Variants in RANBP9 observed in about 807,000 individuals in gnomAD.
RANBP9 encodes the protein ran-binding protein 9.
RANBP9 carries 15 observed loss-of-function variants against 84.3 expected under a neutral mutation model. That is an observed-to-expected ratio of 0.18 (90% confidence interval 0.12 to 0.27). The LOEUF (loss-of-function observed/expected upper bound fraction) is 0.27, where lower values mean the gene tolerates loss of function less well. RANBP9 is among the 10% of genes least tolerant of loss of function. RANBP9 has a pLI of 1.00. For missense variants in RANBP9, 809 were observed against 912.8 expected (o/e 0.89, Z 1.46); for synonymous variants, 392 against 349.6 (o/e 1.12, Z -1.35).
At chr6:13,640,227 C>T (rs547588961) in intron 8 of RANBP9, among the ~76,000 whole-genome samples, 100 of 152,226 alleles carry the variant, frequency 6.6e-4, no homozygotes, top group African/African-American at 2.3e-3. Context: ...ACAATTCTGT[C>T]ATTTGACTTA....
chr6:13,697,991 A>G (rs569319332), intron 1 of RANBP9, among the ~76,000 whole-genome samples: 4 of 152,230 alleles, frequency 2.6e-5, no homozygotes, highest in Non-Finnish European at 5.9e-5. Context: ...TAAGTCAAAA[A>G]TTGTATCTTA....
At chr6:13,658,670 T>TA in intron 3 of RANBP9, 110 bp downstream of exon 3, 1 of 971,930 alleles carries the variant, frequency 1.0e-6, no homozygotes, top group Admixed American at 2.2e-5. Context: ...TAATGATGAT[T>TA]AAAAACACAG....
chr6:13,676,587 T>TACA (rs954600124), intron 2 of RANBP9, among the ~76,000 whole-genome samples: 1 of 151,990 alleles, frequency 6.6e-6, no homozygotes, highest in African/African-American at 2.4e-5. Context: ...CAACAAGGTA[T>TACA]ACAAGAACTA....
chr6:13,654,451 A>T (rs1765358672), intron 4 of RANBP9, among the ~76,000 whole-genome samples: 1 of 152,212 alleles, frequency 6.6e-6, no homozygotes, highest in Non-Finnish European at 1.5e-5. Flanking sequence ...TTATATAGTA[A>T]ACAAATATAC....
At chr6:13,695,406 T>G (rs1469439443) in intron 2 of RANBP9, among the ~76,000 whole-genome samples, 6 of 150,378 alleles carry the variant, frequency 4.0e-5, no homozygotes, top group African/African-American at 1.5e-4. Context: ...CAAATGTTTT[T>G]TTTTTTTTTT....
chr6:13,645,951 T>C (rs1765167351), intron 5 of RANBP9, among the ~76,000 whole-genome samples: 1 of 152,122 alleles, frequency 6.6e-6, no homozygotes, highest in Admixed American at 6.5e-5. Context: ...ATCAAAAATA[T>C]AAAGTACTAC....
At chr6:13,633,241 G>C (rs1241136561) in intron 11 of RANBP9, among the ~76,000 whole-genome samples, 1 of 152,024 alleles carries the variant, frequency 6.6e-6, no homozygotes, top group Non-Finnish European at 1.5e-5. Flanking sequence ...TCACCATATT[G>C]GTCAGGCTGG....
At position 13,640,689 on chromosome 6, in the gene RANBP9, A is replaced by C. The variant is rs562737568; in HGVS notation, c.1334+510T>G. ...ATACTCTGATTCTACTTATATGGGT[A>C]GTCAAATTCATAGAGGCAAAATGTA... On this transcript the variant is annotated intron_variant, in intron 8 of 13. Coordinates refer to ENST00000011619, the MANE Select transcript of RANBP9 (RefSeq NM_005493.3). 2.0e-5 allele frequency among the ~76,000 whole-genome samples: 3 copies of C among 152,308 alleles called. No homozygotes were observed. The East Asian group carries it at 5.8e-4, about 29-fold the overall frequency.
intron 2 of RANBP9, among the ~76,000 whole-genome samples, chr6:13,688,931 G>A (rs1348392729): frequency 1.4e-5 from 2 of 139,616 alleles, no homozygotes; most frequent in African/African-American, 5.4e-5. Context: ...AGGATAGCTT[G>A]AGGCCAGGAG....
At chr6:13,674,933 T>TCA (rs1221474107) in intron 2 of RANBP9, among the ~76,000 whole-genome samples, 1 of 152,222 alleles carries the variant, frequency 6.6e-6, no homozygotes, top group African/African-American at 2.4e-5. Flanking sequence ...AATAACTGTC[T>TCA]CAGTGACAGT....
chr6:13,625,504 G>T, intron 13 of RANBP9, 149 bp downstream of exon 13: 1 of 456,588 alleles, frequency 2.2e-6, no homozygotes, highest in Non-Finnish European at 4.0e-6. Context: ...TAAAGGAGGG[G>T]GTTTCTATAT....
intron 12 of RANBP9, 82 bp downstream of exon 12, chr6:13,632,288 T>C (rs1764808962): frequency 7.0e-7 from 1 of 1,420,536 alleles, no homozygotes; most frequent in South Asian, 1.4e-5. Context: ...CAAGAATTTC[T>C]GGTACACTGC....
intron 2 of RANBP9, among the ~76,000 whole-genome samples, chr6:13,665,868 C>G (rs1281327882): frequency 1.3e-5 from 2 of 152,108 alleles, no homozygotes; most frequent in East Asian, 3.9e-4. Flanking sequence ...ACAAGAAGAG[C>G]ATATGTCATA....
At chr6:13,704,981 C>G (rs1758065939) in intron 1 of RANBP9, among the ~76,000 whole-genome samples, 1 of 152,194 alleles carries the variant, frequency 6.6e-6, no homozygotes, top group Non-Finnish European at 1.5e-5. Flanking sequence ...TCTCTGAATT[C>G]AATGACAGTA....
chr6:13,686,717 T>C (rs185422952), intron 2 of RANBP9, among the ~76,000 whole-genome samples: 357 of 152,310 alleles, frequency 2.3e-3, no homozygotes, highest in African/African-American at 7.9e-3. Context: ...AATTATCAAA[T>C]TGGCAGTGTA....
intron 2 of RANBP9, among the ~76,000 whole-genome samples, chr6:13,690,278 A>G (rs532108412): frequency 6.6e-6 from 1 of 152,204 alleles, no homozygotes; most frequent in Non-Finnish European, 1.5e-5. Flanking sequence ...GTGCTATATC[A>G]TAGGTGTTCA....
chr6:13,707,976 T>A (rs1340294723), intron 1 of RANBP9, among the ~76,000 whole-genome samples: 1 of 152,210 alleles, frequency 6.6e-6, no homozygotes, highest in East Asian at 1.9e-4. Context: ...TTTAAAAAAA[T>A]TTCACATATA....
chr6:13,694,470 C>G (rs1457156328), intron 2 of RANBP9, among the ~76,000 whole-genome samples: 1 of 152,118 alleles, frequency 6.6e-6, no homozygotes, highest in African/African-American at 2.4e-5. Flanking sequence ...GACAGAAAAC[C>G]AGTCAACAGT....
chr6:13,699,718 C>G (rs1039418201), intron 1 of RANBP9, among the ~76,000 whole-genome samples: 3 of 152,054 alleles, frequency 2.0e-5, no homozygotes, highest in Non-Finnish European at 2.9e-5. Context: ...AAAAATTAGC[C>G]TGGCATGGTA....
Sources: allele counts gnomAD v4.1 joint callset (sites outside exome capture counted in the v4.1 genomes callset), GRCh38; gene constraint gnomAD v4.1.1; transcripts MANE v1.5; gene names NCBI Gene and HGNC (gene_info 2026-07-23, HGNC 2026-07-21).